The following SRR variants were observed in gnomAD, a reference collection of about 807,000 sequenced individuals.
SRR encodes the protein serine racemase, also known as D-serine ammonia-lyase.
A neutral mutation model predicts 32.7 loss-of-function variants in SRR; 19 were observed. The observed-to-expected ratio is 0.58, with a 90% CI of 0.40 to 0.85. SRR has a LOEUF of 0.85. Ranked by LOEUF, SRR falls within the 40% of genes least tolerant of loss-of-function variation. SRR has a pLI of 0.00. For synonymous variants in SRR, 142 were observed against 140.9 expected (o/e 1.01, Z -0.06); for missense variants, 373 against 404.7 (o/e 0.92, Z 0.67).
chr17:2,315,549 G>C lies in SRR; in HGVS notation c.-4-8G>C, dbSNP rs1597263377. On this transcript the variant is annotated splice_polypyrimidine_tract_variant and splice_region_variant and intron_variant, in intron 1 of 7. Coordinates refer to ENST00000344595, the MANE Select transcript of SRR (RefSeq NM_021947.3). ...TGCTTTGACCCCTTTCTTATTCCTG[G>C]GTTTCAGAACCATGTGTGCTCAGTA... 6.3e-7 allele frequency: 1 copy of C among 1,599,998 alleles called. No homozygotes were observed. Among genetic ancestry groups the C allele is most frequent in the East Asian group, 2.2e-5 (1 of 44,594 alleles).
chr17:2,306,909 C>T, intron 1 of SRR: 2 of 981,904 alleles, frequency 2.0e-6, no homozygotes, highest in Admixed American at 1.7e-5. Context: ...GAGATCCAAA[C>T]ACCAAGCACT....
At chr17:2,314,123 T>C (rs2075453178) in intron 1 of SRR, among the ~76,000 whole-genome samples, 1 of 152,146 alleles carries the variant, frequency 6.6e-6, no homozygotes, top group South Asian at 2.1e-4. Flanking sequence ...GCAAATAAAA[T>C]GTTTGCTTTA....
chr17:2,310,638 G>C (rs894949446), intron 1 of SRR, among the ~76,000 whole-genome samples: 2 of 152,082 alleles, frequency 1.3e-5, no homozygotes, highest in Non-Finnish European at 2.9e-5. Context: ...GAGTGCAGTG[G>C]AACATTCTCG....
intron 7 of SRR, 117 bp from the exon 8 acceptor site, chr17:2,323,538 A>C: frequency 8.3e-7 from 1 of 1,212,054 alleles, no homozygotes. Flanking sequence ...AGCTTTGGGA[A>C]GCGTGTGTAC....
At chr17:2,323,408 T>A in intron 7 of SRR, 63 bp downstream of exon 7, 1 of 1,591,538 alleles carries the variant, frequency 6.3e-7, no homozygotes, top group Non-Finnish European at 8.6e-7. Flanking sequence ...AGAAGAAACT[T>A]CCCTTAGGAG....
chr17:2,323,148 A>C lies in SRR; in HGVS notation c.607A>C (p.Ser203Arg). ...TTCCTCTTCCCAGGCTCTGAAACCT[A>C]GTGTGAAGGTATATGCTGCTGAACC... ...IAITVKALKP[S>R]VKVYAAEPSN... The change falls in exon 7 of 8, where the codon AGT becomes CGT. Residue 203 changes from serine to arginine, a missense_variant. Transcript: ENST00000344595. 6.2e-7 allele frequency: 1 copy of C among 1,614,156 alleles called. No homozygotes were observed.
At chr17:2,310,677 C>A (rs1192793589) in intron 1 of SRR, among the ~76,000 whole-genome samples, 1 of 152,012 alleles carries the variant, frequency 6.6e-6, no homozygotes, top group Non-Finnish European at 1.5e-5. Context: ...CTTCCAGGTT[C>A]AAGCGATTTT....
chr17:2,303,549 G>C, upstream of SRR: 5 of 1,344,868 alleles, frequency 3.7e-6, no homozygotes, highest in Non-Finnish European at 3.8e-6. Context: ...CCGGAGCCGA[G>C]GGCCGAGCGG....
intron 1 of SRR, among the ~76,000 whole-genome samples, chr17:2,312,422 T>A (rs953245254): frequency 6.6e-5 from 10 of 151,892 alleles, no homozygotes; most frequent in African/African-American, 2.4e-4. Flanking sequence ...AGTGAAACCC[T>A]GTCTCTACTA....
intron 1 of SRR, 62 bp from the exon 2 acceptor site, chr17:2,315,495 C>G: frequency 6.7e-7 from 1 of 1,489,596 alleles, no homozygotes; most frequent in Non-Finnish European, 9.0e-7. Flanking sequence ...TTTTCAAAAT[C>G]TCTTCAATAA....
rs182238978 is a variant in SRR, at chr17:2,308,024, C to T, written c.-5+4007C>T. Among the ~76,000 whole-genome samples, 13 of 142,596 alleles carry T rather than the reference C, an allele frequency of 9.1e-5. No homozygotes were observed. The East Asian group carries it at 2.4e-3, about 27-fold the overall frequency. 93.5% of individuals were successfully genotyped at this position (142,596 alleles called of 152,430 possible). Reference sequence around the variant, plus strand: ...TGATTGCTAAATGTAATAGTCTGATCGTGACACTGAATAAATGTCTTTTTA... The same window carrying T: ...TGATTGCTAAATGTAATAGTCTGATTGTGACACTGAATAAATGTCTTTTTA... On this transcript the variant is annotated intron_variant, in intron 1 of 7. Transcript: ENST00000344595.
rs373004374 is a variant in SRR at position 2,318,984 on chromosome 17, C to CT, written c.399+58dup. 50 of 1,232,800 alleles carry CT rather than the reference C, an allele frequency of 4.1e-5. No homozygotes were observed. In the African/African-American group the frequency reaches 7.3e-4, roughly 18 times the overall value. The allele number at this position is 1,232,800 out of a possible 1,614,324, so 76.4% of individuals were successfully genotyped here. ...AACAGCTTTCATTTGACCAATGGCT[C>CT]TTTCTACCTTACTGGCTGCTCCTTC... On this transcript the variant is annotated intron_variant, in intron 4 of 7. Transcript: ENST00000344595.
intron 4 of SRR, 75 bp from the exon 5 acceptor site, chr17:2,321,231 G>A (rs930333400): frequency 3.2e-5 from 49 of 1,552,680 alleles, no homozygotes; most frequent in Non-Finnish European, 4.1e-5. Flanking sequence ...TCAATAAAAT[G>A]CTGAATGACC....
At chr17:2,303,431 C>G, upstream of SRR, 1 of 1,262,766 alleles carries the variant, frequency 7.9e-7, no homozygotes, top group Non-Finnish European at 1.0e-6. Context: ...TCTCCCGGAG[C>G]TGGCCAGGAC....
chr17:2,318,105 C>A, intron 3 of SRR, 109 bp downstream of exon 3: 3 of 1,264,538 alleles, frequency 2.4e-6, no homozygotes, highest in African/African-American at 1.5e-5. Context: ...CCAAAGAAAT[C>A]TCTATCTGAT....
At chr17:2,315,128 G>T (rs2075462356) in intron 1 of SRR, among the ~76,000 whole-genome samples, 1 of 151,854 alleles carries the variant, frequency 6.6e-6, no homozygotes, top group Non-Finnish European at 1.5e-5. Context: ...TGTAATCCCA[G>T]CTACTCGGGA....
chr17:2,316,816 C>T (rs1567777078), intron 2 of SRR, among the ~76,000 whole-genome samples: 1 of 151,936 alleles, frequency 6.6e-6, no homozygotes, highest in Non-Finnish European at 1.5e-5. Flanking sequence ...AGGTTCACGC[C>T]ATTCTCCTGC....
chr17:2,320,118 A>G (rs2151435814), intron 4 of SRR, among the ~76,000 whole-genome samples: 1 of 150,876 alleles, frequency 6.6e-6, no homozygotes, highest in Non-Finnish European at 1.5e-5. Flanking sequence ...ACGCCTGGCC[A>G]GAACTTGTCT....
At chr17:2,318,619 A>ATTTTT (rs35847724) in intron 3 of SRR, among the ~76,000 whole-genome samples, 31 of 92,512 alleles carry the variant, frequency 3.4e-4, no homozygotes, top group African/African-American at 3.9e-4. Flanking sequence ...ATGCCTGGCT[A>ATTTTT]TTTTTTTTTT....
Sources: allele counts gnomAD v4.1 joint callset (sites outside exome capture counted in the v4.1 genomes callset), GRCh38; gene constraint gnomAD v4.1.1; transcripts MANE v1.5; gene names NCBI Gene and HGNC (gene_info 2026-07-23, HGNC 2026-07-21).